The following GNG4 variants were observed in gnomAD, a reference collection of about 807,000 sequenced individuals.
GNG4 encodes the protein G protein subunit gamma 4.
GNG4 carries 4 observed loss-of-function variants against 5.8 expected under a neutral mutation model. The observed-to-expected ratio is 0.69, with a 90% CI of 0.34 to 1.57. The LOEUF is 1.57. Ranked by LOEUF, GNG4 falls within the 40% of genes most tolerant of loss-of-function variation. The pLI, the probability that GNG4 is intolerant of heterozygous loss-of-function variation, is 0.06. For missense variants in GNG4, 96 were observed against 95.1 expected (o/e 1.01, Z -0.04); for synonymous variants, 29 against 32.9 (o/e 0.88, Z 0.41).
At chr1:235,612,966 G>A (rs1688512519) in intron 1 of GNG4, among the ~76,000 whole-genome samples, 1 of 152,170 alleles carries the variant, frequency 6.6e-6, no homozygotes, top group African/African-American at 2.4e-5. Flanking sequence ...CCTCACATGA[G>A]GGAAGGGGCA....
intron 1 of GNG4, among the ~76,000 whole-genome samples, chr1:235,640,041 G>A (rs867384853): frequency 6.6e-6 from 1 of 152,146 alleles, no homozygotes; most frequent in Non-Finnish European, 1.5e-5. Flanking sequence ...TCTAGGTGGG[G>A]ATCTTGTGCT....
chr1:235,625,197 C>T (rs1688785050), intron 1 of GNG4, among the ~76,000 whole-genome samples: 1 of 152,224 alleles, frequency 6.6e-6, no homozygotes, highest in Admixed American at 6.5e-5. Context: ...GCTTTCTCCT[C>T]TTGCCCTGGG....
At chr1:235,557,436 G>T (rs1202314178) in intron 3 of GNG4, among the ~76,000 whole-genome samples, 1 of 151,942 alleles carries the variant, frequency 6.6e-6, no homozygotes, top group Non-Finnish European at 1.5e-5. Context: ...CCTCAGCTGG[G>T]ACTCACCCCC....
rs1434836507 is a variant in GNG4 at position 235,552,016 on chromosome 1, G to T, written c.*93C>A. 9.2e-6 allele frequency: 10 copies of T among 1,091,388 alleles called. No homozygotes were observed. The highest frequency in any genetic ancestry group is 2.4e-5 in the East Asian group (1 of 41,188). 67.6% of individuals were successfully genotyped at this position (1,091,388 alleles called of 1,614,324 possible). ...GCCACTGTTGGCTGGGCAGGGATGG[G>T]TGTTGGTCTCACTCCCTAAGGCTTA... On this transcript the variant is annotated 3_prime_UTR_variant, in exon 4 of 4. Transcript: ENST00000391854.
At chr1:235,561,231 G>A (rs533299660) in intron 3 of GNG4, among the ~76,000 whole-genome samples, 3 of 152,098 alleles carry the variant, frequency 2.0e-5, no homozygotes, top group East Asian at 1.9e-4. Context: ...GCATGGTCTC[G>A]ATCTCCTGAC....
chr1:235,613,061 C>A (rs1399203963), intron 1 of GNG4, among the ~76,000 whole-genome samples: 1 of 151,882 alleles, frequency 6.6e-6, no homozygotes, highest in Non-Finnish European at 1.5e-5. Context: ...CTCCTAAAGC[C>A]CCAGTACTAC....
chr1:235,646,712 C>T (rs1423592010), intron 1 of GNG4, among the ~76,000 whole-genome samples: 1 of 152,228 alleles, frequency 6.6e-6, no homozygotes, highest in Non-Finnish European at 1.5e-5. Flanking sequence ...ATCTGCATGG[C>T]ACCTGTCACT....
chr1:235,572,638 A>G (rs1687375460), intron 3 of GNG4, among the ~76,000 whole-genome samples: 1 of 151,470 alleles, frequency 6.6e-6, no homozygotes, highest in African/African-American at 2.4e-5. Flanking sequence ...AGAAGCTGGG[A>G]CTACAGGTGC....
intron 3 of GNG4, among the ~76,000 whole-genome samples, chr1:235,556,425 G>GC (rs1686908475): frequency 6.6e-6 from 1 of 151,878 alleles, no homozygotes; most frequent in Non-Finnish European, 1.5e-5. Flanking sequence ...GGGCGTGGTG[G>GC]CCCATGCCTG....
intron 1 of GNG4, among the ~76,000 whole-genome samples, chr1:235,646,087 A>T (rs946651792): frequency 6.6e-5 from 10 of 152,178 alleles, no homozygotes; most frequent in Non-Finnish European, 1.2e-4. Flanking sequence ...GCCCAGAGGG[A>T]TACTTAGAGT....
chr1:235,617,677 G>A (rs1278297624), intron 1 of GNG4, among the ~76,000 whole-genome samples: 4 of 152,150 alleles, frequency 2.6e-5, no homozygotes, highest in Non-Finnish European at 4.4e-5. Flanking sequence ...CTGAGGCCAG[G>A]AGTTCAAGAC....
At chr1:235,581,660 C>G (rs1023618835) in intron 3 of GNG4, among the ~76,000 whole-genome samples, 21 of 152,144 alleles carry the variant, frequency 1.4e-4, no homozygotes, top group African/African-American at 4.8e-4. Flanking sequence ...AGAAGCCAAG[C>G]AGATACAGGC....
chr1:235,622,873 C>CAAAAAAAAAAAAA (rs59428350), intron 1 of GNG4, among the ~76,000 whole-genome samples: 9 of 66,640 alleles, frequency 1.4e-4, no homozygotes, highest in African/African-American at 5.2e-4. Context: ...GACTCCATCT[C>CAAAAAAAAAAAAA]AAAAAAAAAA....
intron 1 of GNG4, among the ~76,000 whole-genome samples, chr1:235,623,658 C>T (rs1160136965): frequency 1.3e-5 from 2 of 152,190 alleles, no homozygotes; most frequent in Non-Finnish European, 2.9e-5. Context: ...ACTCCCATAC[C>T]TTGCATCAGC....
chr1:235,586,048 T>C (rs1687750556), intron 2 of GNG4, among the ~76,000 whole-genome samples: 1 of 152,258 alleles, frequency 6.6e-6, no homozygotes, highest in Non-Finnish European at 1.5e-5. Flanking sequence ...ACTAATTCTC[T>C]GGCCCAGAAA....
intron 3 of GNG4, among the ~76,000 whole-genome samples, chr1:235,580,733 T>A (rs1335981769): frequency 7.0e-6 from 1 of 143,008 alleles, no homozygotes; most frequent in Non-Finnish European, 1.5e-5. Flanking sequence ...CATGGCGGCC[T>A]ATCCCGTTTT....
intron 3 of GNG4, among the ~76,000 whole-genome samples, chr1:235,580,614 A>T (rs1687603743): frequency 6.6e-6 from 1 of 152,024 alleles, no homozygotes; most frequent in Non-Finnish European, 1.5e-5. Context: ...CAAATCTGAC[A>T]CAGCTGTCAC....
At chr1:235,588,204 C>T (rs568481891) in intron 2 of GNG4, among the ~76,000 whole-genome samples, 50 of 152,102 alleles carry the variant, frequency 3.3e-4, no homozygotes, top group Non-Finnish European at 5.0e-4. Context: ...GTCCCACCAG[C>T]GCACTGTGCT....
intron 3 of GNG4, among the ~76,000 whole-genome samples, chr1:235,559,821 A>G (rs1327552969): frequency 6.6e-6 from 1 of 152,252 alleles, no homozygotes; most frequent in Non-Finnish European, 1.5e-5. Flanking sequence ...TTCCACATCA[A>G]AAGTTGATTG....
Sources: gnomAD v4.1 joint callset for allele counts (sites outside exome capture counted in the v4.1 genomes callset) on GRCh38, gnomAD v4.1.1 for gene constraint, MANE v1.5 for transcripts, NCBI Gene and HGNC (gene_info 2026-07-23, HGNC 2026-07-21) for gene names.